Variants in RALGPS2 observed in about 807,000 individuals in gnomAD.
RALGPS2 encodes ras-specific guanine nucleotide-releasing factor RalGPS2.
A neutral mutation model predicts 86.8 loss-of-function variants in RALGPS2; 43 were observed. The observed-to-expected ratio is 0.50, with a 90% CI of 0.39 to 0.64. The LOEUF is 0.64. RALGPS2 is among the 30% of genes least tolerant of loss of function. RALGPS2 has a pLI of 0.00. For missense variants in RALGPS2, 536 were observed against 694.6 expected (o/e 0.77, Z 2.57); for synonymous variants, 243 against 231.3 (o/e 1.05, Z -0.46).
chr1:178,794,227 A>G (rs1248483598), intron 4 of RALGPS2, among the ~76,000 whole-genome samples: 2 of 151,862 alleles, frequency 1.3e-5, no homozygotes, highest in Non-Finnish European at 2.9e-5. Context: ...AGTGATTCTC[A>G]TGCTTCAGCC....
At chr1:178,749,651 A>G (rs773107935) in intron 1 of RALGPS2, among the ~76,000 whole-genome samples, 1 of 152,156 alleles carries the variant, frequency 6.6e-6, no homozygotes, top group Non-Finnish European at 1.5e-5. Context: ...TGTAAATTCA[A>G]TTTGATGAGG....
At chr1:178,788,272 T>G (rs10913624) in intron 4 of RALGPS2, among the ~76,000 whole-genome samples, 13,543 of 152,248 alleles carry the variant, frequency 0.089, 654 homozygotes, top group African/African-American at 0.13. Context: ...GTGTTGTGAT[T>G]CAACAAATAT....
In RALGPS2 at chr1:178,776,762, A is replaced by G; in HGVS notation, c.-3A>G. 2 of 1,612,158 alleles carry G rather than the reference A, an allele frequency of 1.2e-6. No homozygotes were observed. Among genetic ancestry groups the G allele is most frequent in the Non-Finnish European group, 1.7e-6 (2 of 1,178,818 alleles). ...CATAAGGTCAGGGACTGATGAGGAAAGCATGGACCTAATGAACGGGCAGGC... is the reference window on the plus strand; with the variant it reads ...CATAAGGTCAGGGACTGATGAGGAAGGCATGGACCTAATGAACGGGCAGGC... On this transcript the variant is annotated 5_prime_UTR_variant, in exon 2 of 20. Coordinates refer to ENST00000367635, the MANE Select transcript of RALGPS2 (RefSeq NM_152663.5).
chr1:178,839,337 AAG>A (rs1000079363), intron 8 of RALGPS2, among the ~76,000 whole-genome samples: 1 of 152,234 alleles, frequency 6.6e-6, no homozygotes. Flanking sequence ...TACAAGGCAG[AAG>A]AGAGTGAGGG....
chr1:178,767,393 T>C (rs1466642083), intron 1 of RALGPS2, among the ~76,000 whole-genome samples: 1 of 149,940 alleles, frequency 6.7e-6, no homozygotes, highest in East Asian at 1.9e-4. Context: ...GCTTTTATCT[T>C]CTTGGATGCC....
intron 1 of RALGPS2, chr1:178,753,695 T>C (rs1651799390): frequency 6.6e-6 from 1 of 152,086 alleles, no homozygotes; most frequent in Non-Finnish European, 1.5e-5. Flanking sequence ...TGGAATCGAG[T>C]TAGAGATACT....
intron 8 of RALGPS2, among the ~76,000 whole-genome samples, chr1:178,871,737 CTG>C (rs985971894): frequency 2.6e-5 from 4 of 152,138 alleles, no homozygotes; most frequent in Non-Finnish European, 5.9e-5. Context: ...CCTCTCCTCT[CTG>C]TAAAAGGTCA....
chr1:178,836,764 T>C (rs1030521651), intron 8 of RALGPS2, among the ~76,000 whole-genome samples: 3 of 152,130 alleles, frequency 2.0e-5, no homozygotes, highest in African/African-American at 4.8e-5. Context: ...AGTCCACTTC[T>C]TTTCTTTCTT....
intron 7 of RALGPS2, among the ~76,000 whole-genome samples, chr1:178,824,459 C>T (rs1351061500): frequency 6.6e-6 from 1 of 152,022 alleles, no homozygotes; most frequent in Non-Finnish European, 1.5e-5. Flanking sequence ...CAGTGATATG[C>T]TTGATGAGAT....
chr1:178,839,316 T>G (rs1439312784), intron 8 of RALGPS2, among the ~76,000 whole-genome samples: 3 of 152,232 alleles, frequency 2.0e-5, no homozygotes, highest in African/African-American at 2.4e-5. Flanking sequence ...CAGATCTCTC[T>G]GCAGAAACTC....
intron 4 of RALGPS2, among the ~76,000 whole-genome samples, chr1:178,798,635 G>GT (rs1026782712): frequency 5.7e-4 from 85 of 149,044 alleles, no homozygotes; most frequent in East Asian, 3.1e-3. Flanking sequence ...ATTGTGTTTC[G>GT]TTTTTTTTTT....
At chr1:178,770,925 C>G (rs1250383815) in intron 1 of RALGPS2, among the ~76,000 whole-genome samples, 23 of 151,218 alleles carry the variant, frequency 1.5e-4, no homozygotes, top group Non-Finnish European at 1.5e-5. Context: ...TGCAACCTCC[C>G]CGTCGCGGGA....
At chr1:178,825,297 G>A (rs1160613245) in intron 7 of RALGPS2, among the ~76,000 whole-genome samples, 2 of 152,146 alleles carry the variant, frequency 1.3e-5, no homozygotes, top group African/African-American at 4.8e-5. Flanking sequence ...GAAAATATGA[G>A]AGTTGTTTTA....
At chr1:178,747,595 G>A in intron 1 of RALGPS2, 1 of 1,601,080 alleles carries the variant, frequency 6.2e-7, no homozygotes, top group East Asian at 2.2e-5. Context: ...CCTGTGTTAA[G>A]ATGTAACTCC....
At chr1:178,868,415 G>A (rs1364110391) in intron 8 of RALGPS2, among the ~76,000 whole-genome samples, 3 of 151,760 alleles carry the variant, frequency 2.0e-5, no homozygotes, top group Non-Finnish European at 4.4e-5. Flanking sequence ...GAAACTCTGA[G>A]ATCATAAAAT....
intron 8 of RALGPS2, among the ~76,000 whole-genome samples, chr1:178,876,810 A>T (rs1210369339): frequency 6.6e-6 from 1 of 152,124 alleles, no homozygotes; most frequent in African/African-American, 2.4e-5. Flanking sequence ...ATTTTAGAGG[A>T]TGTGTTATTT....
At chr1:178,826,640 T>C (rs1487790033) in intron 7 of RALGPS2, among the ~76,000 whole-genome samples, 5 of 152,204 alleles carry the variant, frequency 3.3e-5, no homozygotes, top group Non-Finnish European at 1.5e-5. Context: ...ATGTTGGTGA[T>C]ATCCTTGAAA....
In RALGPS2 at chr1:178,765,743, A is replaced by G. The variant is rs1652473322; in HGVS notation, c.-83-10939A>G. Among the ~76,000 whole-genome samples the G allele has an allele frequency of 2.6e-5, 4 of 152,256 alleles. No homozygotes were observed. The South Asian group carries it at 6.2e-4, about 24-fold the overall frequency. ...AAAGACAGACATTCCCAAAGCGGCCATTTCAGAGATCTCCCTTTGGTAATG... is the reference window on the plus strand; with the variant it reads ...AAAGACAGACATTCCCAAAGCGGCCGTTTCAGAGATCTCCCTTTGGTAATG... On this transcript the variant is annotated intron_variant, in intron 1 of 19. Transcript: ENST00000367635.
At chr1:178,894,236 A>G (rs911923559) in intron 16 of RALGPS2, 12 of 373,270 alleles carry the variant, frequency 3.2e-5, no homozygotes, top group East Asian at 1.7e-4. Flanking sequence ...CCAAATTACC[A>G]TCATTTGGAA....
Sources: gnomAD v4.1 joint callset for allele counts (sites outside exome capture counted in the v4.1 genomes callset) on GRCh38, gnomAD v4.1.1 for gene constraint, MANE v1.5 for transcripts, NCBI Gene and HGNC (gene_info 2026-07-23, HGNC 2026-07-21) for gene names.